TCF20: variants seen among roughly 807,000 people sequenced by gnomAD.
TCF20 encodes the protein transcription factor 20.
Under a neutral mutation model 148.6 loss-of-function variants are expected in TCF20, and 3 were observed. That is an observed-to-expected ratio of 0.02 (90% CI 0.01 to 0.05). The LOEUF (loss-of-function observed/expected upper bound fraction) is 0.05, where lower values mean the gene tolerates loss of function less well. TCF20 is among the 10% of genes least tolerant of loss of function. The pLI is 1.00. For synonymous variants in TCF20, 1,049 were observed against 909.5 expected (o/e 1.15, Z -2.76); for missense variants, 2,350 against 2,429.3 (o/e 0.97, Z 0.69).
At chr22:42,342,070 G>A (rs888541357) in intron 1 of TCF20, among the ~76,000 whole-genome samples, 1 of 152,184 alleles carries the variant, frequency 6.6e-6, no homozygotes, top group Admixed American at 6.5e-5. Flanking sequence ...CCTGGGGTGA[G>A]GCCAGAGAGG....
At chr22:42,174,773 C>T (rs752972540) in intron 3 of TCF20, among the ~76,000 whole-genome samples, 27 of 151,714 alleles carry the variant, frequency 1.8e-4, no homozygotes, top group Admixed American at 3.3e-4. Context: ...CGGTGGCTCA[C>T]GCCTGTAATC....
chr22:42,263,096 A>G (rs925848902), intron 1 of TCF20, among the ~76,000 whole-genome samples: 1 of 152,184 alleles, frequency 6.6e-6, no homozygotes, highest in Admixed American at 6.5e-5. Context: ...AAAAGAAGAT[A>G]TATCTCCGTT....
At chr22:42,285,928 A>C (rs913808440), upstream of TCF20, among the ~76,000 whole-genome samples, 3 of 152,130 alleles carry the variant, frequency 2.0e-5, no homozygotes, top group Non-Finnish European at 4.4e-5. This position sits in a 1 kb window ranked among gnomAD's most constrained non-coding sequence, Gnocchi z 4.2. Context: ...GTCAAATGCC[A>C]CTTTCTATGC....
intron 3 of TCF20, among the ~76,000 whole-genome samples, chr22:42,173,491 G>A (rs1936259957): frequency 6.6e-6 from 1 of 151,474 alleles, no homozygotes; most frequent in African/African-American, 2.5e-5. Flanking sequence ...TAAAGATCTG[G>A]GTGGGTTGAC....
At chr22:42,289,072 C>T (rs148483838) in intron 1 of TCF20, among the ~76,000 whole-genome samples, 2 of 152,270 alleles carry the variant, frequency 1.3e-5, no homozygotes, top group East Asian at 1.9e-4. Context: ...AGGCGGGGGC[C>T]GATGACTGGG....
chr22:42,229,272 G>C (rs1923187007), intron 1 of TCF20, among the ~76,000 whole-genome samples: 1 of 152,204 alleles, frequency 6.6e-6, no homozygotes, highest in African/African-American at 2.4e-5. Context: ...GCACACAGCT[G>C]TGGGAGCAGA....
intron 1 of TCF20, among the ~76,000 whole-genome samples, chr22:42,243,227 C>A (rs1924595485): frequency 7.2e-6 from 1 of 138,856 alleles, no homozygotes; most frequent in South Asian, 2.3e-4. Context: ...CTGAATCCAG[C>A]AGCTCAAGGT....
chr22:42,252,840 A>G (rs940336882), intron 1 of TCF20, among the ~76,000 whole-genome samples: 1 of 152,216 alleles, frequency 6.6e-6, no homozygotes, highest in African/African-American at 2.4e-5. Context: ...AACTATTTTA[A>G]CAAAAATAAC....
At chr22:42,234,718 T>C (rs1011348313) in intron 1 of TCF20, among the ~76,000 whole-genome samples, 4 of 152,158 alleles carry the variant, frequency 2.6e-5, no homozygotes, top group Non-Finnish European at 5.9e-5. Context: ...ATCAAAATGC[T>C]AACTCCAAAC....
At chr22:42,282,107 G>A (rs978163818) in intron 1 of TCF20, among the ~76,000 whole-genome samples, 2 of 152,230 alleles carry the variant, frequency 1.3e-5, no homozygotes, top group Non-Finnish European at 2.9e-5. Context: ...AGGTGGTGAC[G>A]TCAGGTTAGG....
At chr22:42,192,167 T>A (rs1237795279) in intron 2 of TCF20, among the ~76,000 whole-genome samples, 1 of 152,152 alleles carries the variant, frequency 6.6e-6, no homozygotes, top group East Asian at 1.9e-4. Flanking sequence ...GGGTCTGTGC[T>A]TCCAGAAAGC....
chr22:42,323,860 ATGGTGGTGGTGGTGGTGG>A (rs750556854), intron 1 of TCF20, among the ~76,000 whole-genome samples: 1 of 71,406 alleles, frequency 1.4e-5, no homozygotes, highest in Non-Finnish European at 3.3e-5. Flanking sequence ...GATGGAGGTT[ATGGTGGTGGTGGTGGTGG>A]TGGTGATGGA....
chr22:42,306,177 G>A (rs542183158), intron 1 of TCF20, among the ~76,000 whole-genome samples: 1 of 152,374 alleles, frequency 6.6e-6, no homozygotes, highest in South Asian at 2.1e-4. Context: ...CGGAGCCGCT[G>A]TGCGCGCCGC....
chr22:42,326,000 C>T (rs928205387), intron 1 of TCF20, among the ~76,000 whole-genome samples: 6 of 152,298 alleles, frequency 3.9e-5, no homozygotes, highest in Admixed American at 6.5e-5. Flanking sequence ...CACAGGACAT[C>T]TGGCCTGTGC....
chr22:42,214,895 G>A lies in TCF20; in HGVS notation c.411C>T (p.Gly137=). 1 of 1,614,176 alleles carries A rather than the reference G, an allele frequency of 6.2e-7. No individual in the cohort carries two copies. The change falls in exon 2 of 6, where the codon GGC becomes GGT. Residue 137 remains glycine, a synonymous_variant. Coordinates refer to ENST00000677622, the MANE Select transcript of TCF20 (RefSeq NM_001378418.1). The stretch of plus-strand genomic sequence containing the variant: ...GGCCAGAGTGCTGTGCTTGAAACTG[G>A]CCCACATGACCCTCACTCCCATACT... ...GNQYGSEGHV[G]QFQAQHSGLG...
intron 5 of TCF20, among the ~76,000 whole-genome samples, chr22:42,167,226 T>A (rs1935841117): frequency 6.6e-6 from 1 of 152,092 alleles, no homozygotes; most frequent in Non-Finnish European, 1.5e-5. Flanking sequence ...GGCACCACAC[T>A]CAACGCTCTA....
At chr22:42,172,624 CTAAGCTCCTCATTA>C (rs1170687739) in intron 3 of TCF20, among the ~76,000 whole-genome samples, 1 of 152,252 alleles carries the variant, frequency 6.6e-6, no homozygotes, top group Non-Finnish European at 1.5e-5. Context: ...AATGGATTTA[CTAAGCTCCTCATTA>C]TAAGCTCTGT....
At chr22:42,179,490 C>CA (rs57857271) in intron 3 of TCF20, 119 bp downstream of exon 3, 9,282 of 370,278 alleles carry the variant, frequency 0.025, 11 homozygotes, top group South Asian at 0.034. Flanking sequence ...TATGAAGTGA[C>CA]AAAAAAAAAA....
At position 42,210,818 on chromosome 22, in the gene TCF20, A is replaced by C; in HGVS notation, c.4488T>G (p.Asn1496Lys). The change falls in exon 2 of 6, where the codon AAT (asparagine) becomes AAG (lysine). Residue 1496 changes from asparagine to lysine, a missense_variant. By Grantham distance (94) the Asn-to-Lys change is moderately conservative. Coordinates refer to ENST00000677622, the MANE Select transcript of TCF20 (RefSeq NM_001378418.1). This position sits in a 1 kb window ranked among gnomAD's most constrained non-coding sequence, Gnocchi z 4.7. Reference protein sequence around the residue: ...TAPLIFPDSKNVPPVGILAPE... With the variant: ...TAPLIFPDSKKVPPVGILAPE... ...GGGCCAATATGCCCACTGGAGGTAC[A>C]TTCTTTGAGTCTGGAAAGATTAAAG... The C allele has an allele frequency of 1.2e-6, 2 of 1,614,154 alleles. No homozygotes were observed. The highest frequency in any genetic ancestry group is 1.7e-6 in the Non-Finnish European group (2 of 1,180,036).
Sources: allele counts gnomAD v4.1 joint callset (sites outside exome capture counted in the v4.1 genomes callset), GRCh38; gene constraint gnomAD v4.1.1; non-coding constraint Gnocchi (gnomAD v3.1); transcripts MANE v1.5; gene names NCBI Gene and HGNC (gene_info 2026-07-23, HGNC 2026-07-21).